Variants in NAV2 observed in about 807,000 individuals in gnomAD.
The protein encoded by NAV2 is neuron navigator 2, also known as helicase, APC down-regulated 1.
In NAV2, 54 loss-of-function variants were observed where a neutral mutation model predicts 223.2. The observed-to-expected ratio is 0.24, with a 90% confidence interval of 0.19 to 0.30. The LOEUF is 0.30. Ranked by LOEUF, NAV2 falls within the 10% of genes least tolerant of loss-of-function variation. NAV2 has a pLI of 1.00. For missense variants in NAV2, 2,806 were observed against 3,147.5 expected (o/e 0.89, Z 2.60); for synonymous variants, 1,279 against 1,239.3 (o/e 1.03, Z -0.67).
intron 19 of NAV2, chr11:20,056,474 G>A: frequency 8.4e-7 from 1 of 1,184,008 alleles, no homozygotes; most frequent in Non-Finnish European, 1.3e-6. Context: ...TCTTTCTTTG[G>A]TTGCTAACTG....
intron 1 of NAV2, among the ~76,000 whole-genome samples, chr11:19,794,893 A>G (rs541061561): frequency 2.0e-5 from 3 of 152,214 alleles, no homozygotes; most frequent in Non-Finnish European, 4.4e-5. Context: ...CCTCAACTCC[A>G]GGAATATATA....
At chr11:19,578,224 C>T (rs1441514035) in intron 1 of NAV2, among the ~76,000 whole-genome samples, 2 of 152,234 alleles carry the variant, frequency 1.3e-5, no homozygotes, top group Admixed American at 1.3e-4. Context: ...TGGGCTTTTA[C>T]AAGCTGAGAT....
chr11:20,035,017 A>G (rs926891303), intron 11 of NAV2, among the ~76,000 whole-genome samples: 3 of 152,102 alleles, frequency 2.0e-5, no homozygotes, highest in Non-Finnish European at 2.9e-5. Flanking sequence ...GAGGGGCCAT[A>G]TAGAGAGTTT....
chr11:19,966,592 C>A (rs1318658045), intron 10 of NAV2, among the ~76,000 whole-genome samples: 2 of 152,220 alleles, frequency 1.3e-5, no homozygotes, highest in African/African-American at 2.4e-5. Context: ...GATACAGACA[C>A]CATGCTCTTG....
intron 1 of NAV2, among the ~76,000 whole-genome samples, chr11:19,729,472 C>G (rs1165609167): frequency 6.6e-6 from 1 of 152,154 alleles, no homozygotes. Context: ...TATAATGAAC[C>G]CAAGGCATGT....
intron 1 of NAV2, among the ~76,000 whole-genome samples, chr11:19,809,371 T>C (rs937373803): frequency 6.6e-6 from 1 of 152,230 alleles, no homozygotes; most frequent in Non-Finnish European, 1.5e-5. Flanking sequence ...GGATTAAGAA[T>C]TGGGTTTTCA....
chr11:19,505,062 G>C (rs1386600374), intron 1 of NAV2: 1 of 152,234 alleles, frequency 6.6e-6, no homozygotes, highest in Non-Finnish European at 1.5e-5. Context: ...CTCACCCCTT[G>C]GGGGAATACA....
At chr11:20,034,142 C>T (rs2056086890) in intron 11 of NAV2, among the ~76,000 whole-genome samples, 1 of 152,156 alleles carries the variant, frequency 6.6e-6, no homozygotes, top group African/African-American at 2.4e-5. Context: ...ATCAGAATGG[C>T]TCGATCAAGA....
chr11:20,044,327 ATAGT>A, intron 13 of NAV2, 55 bp downstream of exon 13: 1 of 1,483,522 alleles, frequency 6.7e-7, no homozygotes, highest in Non-Finnish European at 9.2e-7. Context: ...AACCAAAGCC[ATAGT>A]TAACTCTAGC....
At chr11:20,089,383 C>G (rs1017458673) in intron 26 of NAV2, among the ~76,000 whole-genome samples, 1 of 152,190 alleles carries the variant, frequency 6.6e-6, no homozygotes, top group Non-Finnish European at 1.5e-5. Flanking sequence ...TTTCTGCCCC[C>G]GAAATACAAT....
intron 1 of NAV2, among the ~76,000 whole-genome samples, chr11:19,776,631 A>AGTGTGTGTGTGTGTGTGTGT (rs1565295867): frequency 1.3e-4 from 3 of 22,698 alleles, no homozygotes; most frequent in Non-Finnish European, 5.0e-4. Flanking sequence ...GGGGTCAGAA[A>AGTGTGTGTGTGTGTGTGTGT]ATGTGTGTGT....
chr11:20,068,464 C>G (rs2059189674), intron 22 of NAV2, 66 bp downstream of exon 22: 5 of 1,176,724 alleles, frequency 4.2e-6, no homozygotes, highest in Non-Finnish European at 5.1e-6. Flanking sequence ...TGAACAGCCT[C>G]AAGTCCTCCT....
At chr11:19,711,970 A>G (rs2049901912), upstream of NAV2, 2 of 152,418 alleles carry the variant, frequency 1.3e-5, no homozygotes, top group Admixed American at 1.3e-4. Context: ...CTCCTCATTC[A>G]TAAATCGCGA....
intron 3 of NAV2, among the ~76,000 whole-genome samples, chr11:19,865,827 T>C (rs898137202): frequency 1.3e-5 from 2 of 152,014 alleles, no homozygotes; most frequent in African/African-American, 2.4e-5. Context: ...GTTCACCTAA[T>C]AAAGGAAGAT....
At chr11:19,883,771 G>A (rs2063360198) in intron 5 of NAV2, among the ~76,000 whole-genome samples, 1 of 152,180 alleles carries the variant, frequency 6.6e-6, no homozygotes, top group African/African-American at 2.4e-5. Context: ...ACAGAATTTA[G>A]TGAGTTTAAC....
chr11:19,434,086 T>C (rs914873706), intron 1 of NAV2, among the ~76,000 whole-genome samples: 1 of 141,764 alleles, frequency 7.1e-6, no homozygotes, highest in African/African-American at 2.7e-5. Flanking sequence ...CTCTGTTGGA[T>C]GAAAGGAGAG....
intron 1 of NAV2, chr11:19,380,657 C>T (rs937290478): frequency 1.3e-5 from 2 of 152,260 alleles, no homozygotes; most frequent in African/African-American, 4.8e-5. Context: ...GGTACACCCT[C>T]TGTCTGGATG....
chr11:19,816,491 T>C (rs545447283), intron 1 of NAV2, among the ~76,000 whole-genome samples: 3 of 152,380 alleles, frequency 2.0e-5, no homozygotes, highest in African/African-American at 7.2e-5. Flanking sequence ...TGAGTACTTC[T>C]GCAAGTGTGC....
intron 37 of NAV2, among the ~76,000 whole-genome samples, chr11:20,117,707 A>T (rs2063237397): frequency 6.6e-6 from 1 of 152,204 alleles, no homozygotes; most frequent in Admixed American, 6.5e-5. Flanking sequence ...GCCAAGTTCC[A>T]GGAACAGGGA....
Sources: allele counts gnomAD v4.1 joint callset (sites outside exome capture counted in the v4.1 genomes callset), GRCh38; gene constraint gnomAD v4.1.1; transcripts MANE v1.5; gene names NCBI Gene and HGNC (gene_info 2026-07-23, HGNC 2026-07-21).